Variants in DCAF12 observed in about 807,000 individuals in gnomAD.
DCAF12 encodes the protein DDB1- and CUL4-associated factor 12.
Under a neutral mutation model 52.8 loss-of-function variants are expected in DCAF12, and 28 were observed. That is an observed-to-expected ratio of 0.53 (90% CI 0.39 to 0.73). The LOEUF (loss-of-function observed/expected upper bound fraction) is 0.73. DCAF12 is among the 30% of genes least tolerant of loss of function. DCAF12 has a pLI of 0.00. For synonymous variants in DCAF12, 196 were observed against 215.5 expected (o/e 0.91, Z 0.79); for missense variants, 425 against 552.2 (o/e 0.77, Z 2.31).
chr9:34,107,922 T>TC (rs1328952388), intron 2 of DCAF12, among the ~76,000 whole-genome samples: 3 of 152,198 alleles, frequency 2.0e-5, no homozygotes, highest in Non-Finnish European at 2.9e-5. Flanking sequence ...CACTGAATCC[T>TC]CACCTAACCA....
chr9:34,103,227 T>C (rs1327794314), intron 4 of DCAF12, among the ~76,000 whole-genome samples: 2 of 147,180 alleles, frequency 1.4e-5, no homozygotes, highest in African/African-American at 5.1e-5. Flanking sequence ...CTGGCCAACA[T>C]GTTGTAAGCC....
At chr9:34,120,487 A>G (rs991827848) in intron 2 of DCAF12, among the ~76,000 whole-genome samples, 1 of 151,774 alleles carries the variant, frequency 6.6e-6, no homozygotes, top group Non-Finnish European at 1.5e-5. Context: ...CCTGGCCAGC[A>G]TGGTGAAACC....
chr9:34,095,501 A>T (rs1828722727), intron 6 of DCAF12, among the ~76,000 whole-genome samples: 1 of 147,894 alleles, frequency 6.8e-6, no homozygotes, highest in African/African-American at 2.5e-5. Flanking sequence ...CTGCCTCAGC[A>T]CTGCTACCCT....
In DCAF12 at chr9:34,126,507, A is replaced by G. The variant is rs886930571; in HGVS notation, c.-76T>C. 4.6e-6 allele frequency: 7 copies of G among 1,509,152 alleles called. No individual in the cohort carries two copies. The highest frequency in any genetic ancestry group is 2.4e-5 in the South Asian group (2 of 83,898). 93.5% of individuals were successfully genotyped at this position (1,509,152 alleles called of 1,614,324 possible). A position where few individuals can be genotyped will look rare whatever the true frequency, so the allele number is the denominator to read the frequency against. ...AGGATAGCAGGACGGCGGGTCATATACTGGGCCCCGGGGCCGCGCACCTTA... is the reference window on the plus strand; with the variant it reads ...AGGATAGCAGGACGGCGGGTCATATGCTGGGCCCCGGGGCCGCGCACCTTA... On this transcript the variant is annotated 5_prime_UTR_variant, in exon 1 of 9. Transcript: ENST00000361264.
intron 2 of DCAF12, chr9:34,109,887 T>G: frequency 4.0e-6 from 1 of 248,260 alleles, no homozygotes; most frequent in Non-Finnish European, 8.6e-6. Flanking sequence ...CGTCTGTGTT[T>G]TCTGTGAGCT....
Position 34,126,490 on chromosome 9 carries a change from A to G in DCAF12, c.-59T>C. The G allele has an allele frequency of 6.4e-7, 1 of 1,567,116 alleles. No individual in the cohort carries two copies. The highest frequency in any genetic ancestry group is 8.6e-7 in the Non-Finnish European group (1 of 1,162,812). On this transcript the variant is annotated 5_prime_UTR_variant, in exon 1 of 9. Transcript: ENST00000361264. ...TGGGGCGGGGGAAGCGAAGGATAGC[A>G]GGACGGCGGGTCATATACTGGGCCC... is the stretch of plus-strand genomic sequence containing the variant.
At position 34,093,343 on chromosome 9, in the gene DCAF12, C is replaced by G. The variant is rs954815854; in HGVS notation, c.967G>C (p.Asp323His). ...VGSQAHVSFLDPRQPSYNVKS... is the reference protein window; with the variant it reads ...VGSQAHVSFLHPRQPSYNVKS... ...ACGTTGTATGATGGCTGCCGTGGATCCAAGAAGGAGACATGAGCTTGGGAG... is the reference window on the plus strand; with the variant it reads ...ACGTTGTATGATGGCTGCCGTGGATGCAAGAAGGAGACATGAGCTTGGGAG... The change falls in exon 7 of 9, where the codon GAT (aspartate) becomes CAT (histidine). Residue 323 changes from aspartate to histidine, a missense_variant. By Grantham distance (81) the Asp-to-His change is moderately conservative. This residue lies in a region of DCAF12 where 328 missense variants were observed against 444.4 expected (regional missense o/e 0.74). Coordinates refer to ENST00000361264, the MANE Select transcript of DCAF12 (RefSeq NM_015397.4). 2 of 1,614,176 alleles carry G rather than the reference C, an allele frequency of 1.2e-6. No individual in the cohort carries two copies. The highest frequency in any genetic ancestry group is 1.7e-6 in the Non-Finnish European group (2 of 1,180,034).
At chr9:34,097,944 A>G (rs899523881) in intron 5 of DCAF12, among the ~76,000 whole-genome samples, 21 of 151,958 alleles carry the variant, frequency 1.4e-4, no homozygotes, top group African/African-American at 4.4e-4. Flanking sequence ...AAAAAGAAAA[A>G]AAAAAAAAAA....
At position 34,126,396 on chromosome 9, in the gene DCAF12, C is replaced by T. The variant is rs988268475; in HGVS notation, c.36G>A (p.Ala12=). ...CGCTCCCAGCTCCCGGCGAGGCGGG[C>T]GCTTTCCGCTTCCTGCTAACTACTT... ...ARKVVSRKRK[A]PASPGAGSDA... is the part of the protein sequence containing the mutation. The change falls in exon 1 of 9, where the codon GCG becomes GCA. Residue 12 remains alanine, a synonymous_variant. Coordinates refer to ENST00000361264, the MANE Select transcript of DCAF12 (RefSeq NM_015397.4). The T allele has an allele frequency of 1.2e-6, 2 of 1,610,376 alleles. No individual in the cohort carries two copies. The highest frequency in any genetic ancestry group is 2.7e-5 in the African/African-American group (2 of 75,050).
rs1396892385 is a variant in DCAF12 at position 34,088,428 on chromosome 9, C to G, written c.1284G>C (p.Ser428=). The change falls in exon 9 of 9, where the codon TCG becomes TCC. Residue 428 remains serine, a synonymous_variant. Transcript: ENST00000361264. ...CTGCCACAAAGAGTTTCGTTCCAGA[C>G]GAGTCGTAGCAGTGGGTGTAAACAG... ...PNAVYTHCYD[S]SGTKLFVAGG... 1 of 1,614,008 alleles carries G rather than the reference C, an allele frequency of 6.2e-7. No homozygotes were observed.
chr9:34,126,615 G>A lies in DCAF12; in HGVS notation c.-184C>T. ...GGAAAGAAAGGAAAGAGAGAGGAAG[G>A]ACTTGAGCCGGGAAAGGGAAGGGGA... On this transcript the variant is annotated 5_prime_UTR_variant, in exon 1 of 9. Transcript: ENST00000361264. 2 of 664,616 alleles carry A rather than the reference G, an allele frequency of 3.0e-6. No homozygotes were observed. The highest frequency in any genetic ancestry group is 4.9e-6 in the Non-Finnish European group (2 of 404,422). The allele number at this position is 664,616 out of a possible 1,614,324, so 41.2% of individuals were successfully genotyped here. A position where few individuals can be genotyped will look rare whatever the true frequency, so the allele number is the denominator to read the frequency against.
intron 7 of DCAF12, among the ~76,000 whole-genome samples, chr9:34,091,955 C>T (rs1290861114): frequency 6.6e-6 from 1 of 152,184 alleles, no homozygotes; most frequent in Non-Finnish European, 1.5e-5. Flanking sequence ...TATGTTTTCT[C>T]ATCTGCTTCC....
At chr9:34,115,529 G>A (rs1422133994) in intron 2 of DCAF12, among the ~76,000 whole-genome samples, 1 of 146,202 alleles carries the variant, frequency 6.8e-6, no homozygotes, top group East Asian at 1.9e-4. Flanking sequence ...AACCCGGTAG[G>A]CGGAGGTTGC....
intron 2 of DCAF12, among the ~76,000 whole-genome samples, chr9:34,123,085 G>A (rs749708440): frequency 3.3e-5 from 5 of 152,160 alleles, no homozygotes; most frequent in African/African-American, 2.4e-5. Flanking sequence ...AAACAACAGT[G>A]GCTATCCTTG....
rs950880472 is a variant in DCAF12, at chr9:34,119,714, T to C, written c.333+5309A>G. On this transcript the variant is annotated intron_variant, in intron 2 of 8. Transcript: ENST00000361264. ...ATGTACTTTTGCGGTTTTTTTTTTT[T>C]TTTTTGAGACAGGGTCGTGCTCTGT... Among the ~76,000 whole-genome samples the C allele has an allele frequency of 1.1e-3, 166 of 151,620 alleles. 1 individual carries two copies. Among genetic ancestry groups the C allele is most frequent in the African/African-American group, 3.9e-3 (163 of 41,318 alleles).
intron 5 of DCAF12, among the ~76,000 whole-genome samples, chr9:34,097,774 A>G (rs959075903): frequency 1.2e-4 from 19 of 152,034 alleles, no homozygotes; most frequent in African/African-American, 4.6e-4. Flanking sequence ...CTCTACTAAA[A>G]AATACAAAAT....
chr9:34,088,852 G>A (rs533821850), intron 8 of DCAF12, among the ~76,000 whole-genome samples: 32 of 152,246 alleles, frequency 2.1e-4, no homozygotes, highest in African/African-American at 7.5e-4. Context: ...GTTCATGGCT[G>A]TAATCCCAGA....
Position 34,087,476 on chromosome 9 carries a change from C to T in DCAF12, c.*874G>A, listed in dbSNP as rs1015270259. 1 of 152,222 alleles carries T rather than the reference C, an allele frequency of 6.6e-6. No individual in the cohort carries two copies. Among genetic ancestry groups the T allele is most frequent in the Non-Finnish European group, 1.5e-5 (1 of 68,108 alleles). The allele number at this position is 152,222 out of a possible 1,614,324, so 9.4% of individuals were successfully genotyped here. On this transcript the variant is annotated 3_prime_UTR_variant, in exon 9 of 9. Transcript: ENST00000361264. ...GAAGCTAGGATGGGGATTCAAGTCC[C>T]ATGAAGCCTTTTGTAGCCTCTGGAG...
Position 34,122,353 on chromosome 9 carries a change from C to T in DCAF12, c.333+2670G>A, listed in dbSNP as rs539371923. ...ACATAAATGACTGCCAAATCATTAA[C>T]TTCAATCCTTACTCTCTGCCAAGCT... On this transcript the variant is annotated intron_variant, in intron 2 of 8. Transcript: ENST00000361264. Among the ~76,000 whole-genome samples, 9 of 152,316 alleles carry T rather than the reference C, an allele frequency of 5.9e-5. No individual in the cohort carries two copies. The East Asian group carries it at 1.5e-3, about 26-fold the overall frequency.
Sources: allele counts gnomAD v4.1 joint callset (sites outside exome capture counted in the v4.1 genomes callset), GRCh38; gene constraint gnomAD v4.1.1; regional missense constraint gnomAD v4.1.1; transcripts MANE v1.5; gene names NCBI Gene and HGNC (gene_info 2026-07-23, HGNC 2026-07-21).